PPP3R1: variants seen among roughly 807,000 people sequenced by gnomAD.
PPP3R1 encodes protein phosphatase 3 regulatory subunit B, alpha.
PPP3R1 carries 5 observed loss-of-function variants against 22.6 expected under a neutral mutation model. The ratio of observed to expected loss-of-function variants is 0.22; its 90% CI spans 0.12 to 0.46. PPP3R1 has a LOEUF of 0.46. PPP3R1 is among the 20% of genes least tolerant of loss of function. PPP3R1 has a pLI of 0.99. For missense variants in PPP3R1, 61 were observed against 203.2 expected (o/e 0.30, Z 4.25); for synonymous variants, 56 against 65.2 (o/e 0.86, Z 0.68).
At chr2:68,246,525 A>G (rs553067573) in intron 1 of PPP3R1, among the ~76,000 whole-genome samples, 1 of 152,268 alleles carries the variant, frequency 6.6e-6, no homozygotes, top group Admixed American at 6.5e-5. Context: ...ACAAACTACT[A>G]TTGACCAAGT....
intron 2 of PPP3R1, among the ~76,000 whole-genome samples, chr2:68,191,902 A>C (rs924511539): frequency 6.6e-5 from 10 of 152,198 alleles, no homozygotes; most frequent in African/African-American, 2.4e-4. Context: ...CTTGAAAGAG[A>C]AAAAATATAA....
At chr2:68,247,322 C>T (rs1247433478) in intron 1 of PPP3R1, among the ~76,000 whole-genome samples, 1 of 149,856 alleles carries the variant, frequency 6.7e-6, no homozygotes, top group Non-Finnish European at 1.5e-5. Flanking sequence ...AAACCTTCTT[C>T]TCCTACATCT....
chr2:68,234,474 C>T (rs372852454), intron 1 of PPP3R1, among the ~76,000 whole-genome samples: 2 of 152,322 alleles, frequency 1.3e-5, no homozygotes, highest in African/African-American at 4.8e-5. Flanking sequence ...CGCAGCCATT[C>T]TGTATTATGC....
intron 2 of PPP3R1, among the ~76,000 whole-genome samples, chr2:68,200,705 A>G (rs1038231345): frequency 1.3e-5 from 2 of 152,216 alleles, no homozygotes; most frequent in African/African-American, 4.8e-5. Flanking sequence ...AAGGAGCCTT[A>G]GGCATCATTT....
Position 68,223,784 on chromosome 2 carries a change from T to A in PPP3R1, c.4-6653A>T, listed in dbSNP as rs537199892. On this transcript the variant is annotated intron_variant, in intron 1 of 5. Transcript: ENST00000234310. ...AAGATTAGAACAAGATAAAGACATC[T>A]GCACAAATACAAAAGGGAAGACAAA... Among the ~76,000 whole-genome samples, 268 of 145,180 alleles carry A rather than the reference T, an allele frequency of 1.8e-3. 1 individual carries two copies. The highest frequency in any genetic ancestry group is 6.4e-3 in the African/African-American group (249 of 39,200).
intron 1 of PPP3R1, among the ~76,000 whole-genome samples, chr2:68,239,583 A>G (rs1670080084): frequency 6.6e-6 from 1 of 152,204 alleles, no homozygotes. Flanking sequence ...GTATCCAGTA[A>G]GCAGAACTAT....
intron 2 of PPP3R1, among the ~76,000 whole-genome samples, chr2:68,196,478 G>A (rs553873364): frequency 3.3e-5 from 5 of 152,246 alleles, no homozygotes; most frequent in South Asian, 2.1e-4. Context: ...TATTATGACA[G>A]ACTTGAAATA....
chr2:68,185,217 CAAA>C (rs1305057114), intron 5 of PPP3R1, among the ~76,000 whole-genome samples: 4 of 70,424 alleles, frequency 5.7e-5, no homozygotes, highest in South Asian at 4.1e-4. Flanking sequence ...GACTCCGTTT[CAAA>C]AAAAAAAAAA....
At chr2:68,214,705 T>C (rs930098875) in intron 2 of PPP3R1, among the ~76,000 whole-genome samples, 1 of 152,242 alleles carries the variant, frequency 6.6e-6, no homozygotes, top group African/African-American at 2.4e-5. Context: ...GTTCAGCCGT[T>C]GTGGGAAGCA....
chr2:68,251,134 A>G (rs1409546262), intron 1 of PPP3R1: 3 of 152,222 alleles, frequency 2.0e-5, no homozygotes, highest in African/African-American at 7.2e-5. Context: ...GATTACAAAG[A>G]GGAAACTAAC....
intron 4 of PPP3R1, 45 bp from the exon 5 acceptor site, chr2:68,186,697 C>A (rs893955569): frequency 2.7e-6 from 4 of 1,465,250 alleles, no homozygotes; most frequent in African/African-American, 2.8e-5. Flanking sequence ...AAAGCAATCA[C>A]AAGTAAATGC....
chr2:68,222,598 A>T (rs1669704112), intron 1 of PPP3R1, among the ~76,000 whole-genome samples: 1 of 152,208 alleles, frequency 6.6e-6, no homozygotes, highest in Non-Finnish European at 1.5e-5. Context: ...CCTGGTTCTC[A>T]GGCCTTCAGA....
At chr2:68,247,633 C>T (rs189350459) in intron 1 of PPP3R1, among the ~76,000 whole-genome samples, 79 of 152,314 alleles carry the variant, frequency 5.2e-4, no homozygotes, top group Non-Finnish European at 8.8e-4. Context: ...TTCTCGAGGA[C>T]AGGAACAGTA....
chr2:68,212,691 A>G (rs140892641), intron 2 of PPP3R1, among the ~76,000 whole-genome samples: 18 of 152,366 alleles, frequency 1.2e-4, no homozygotes, highest in African/African-American at 4.1e-4. Flanking sequence ...ACCATGCTGT[A>G]AACAGCTGTG....
intron 2 of PPP3R1, among the ~76,000 whole-genome samples, chr2:68,201,790 T>C (rs563321101): frequency 1.3e-5 from 2 of 152,226 alleles, no homozygotes; most frequent in Non-Finnish European, 2.9e-5. Flanking sequence ...ACTCCGAACT[T>C]TGAATGTATT....
intron 2 of PPP3R1, among the ~76,000 whole-genome samples, chr2:68,208,421 T>G (rs1669381529): frequency 6.6e-6 from 1 of 152,216 alleles, no homozygotes; most frequent in East Asian, 1.9e-4. Flanking sequence ...ACTCTGCCAC[T>G]GCAGCACAGA....
chr2:68,250,130 T>C (rs1670315769), intron 1 of PPP3R1, among the ~76,000 whole-genome samples: 1 of 150,918 alleles, frequency 6.6e-6, no homozygotes, highest in African/African-American at 2.4e-5. Flanking sequence ...GGTCCTGAAA[T>C]GGTATTGGGA....
Position 68,211,045 on chromosome 2 carries a change from T to C in PPP3R1, c.43+6047A>G, listed in dbSNP as rs375202175. Reference sequence around the variant, plus strand: ...TGCATATAAAAGTTATATTTACGTATTACTGTTGTCTACAAAGTGTGCAAT... The same window carrying C: ...TGCATATAAAAGTTATATTTACGTACTACTGTTGTCTACAAAGTGTGCAAT... On this transcript the variant is annotated intron_variant, in intron 2 of 5. Transcript: ENST00000234310. 7.6e-4 allele frequency among the ~76,000 whole-genome samples: 116 copies of C among 152,300 alleles called. 1 individual carries two copies. The highest frequency in any genetic ancestry group is 1.4e-3 in the Non-Finnish European group (92 of 68,010).
intron 1 of PPP3R1, among the ~76,000 whole-genome samples, chr2:68,223,280 C>T (rs1203136916): frequency 6.6e-6 from 1 of 152,134 alleles, no homozygotes; most frequent in Admixed American, 6.5e-5. Flanking sequence ...TGTACAATCC[C>T]AGCTACTTGG....
Sources: gnomAD v4.1 joint callset for allele counts (sites outside exome capture counted in the v4.1 genomes callset) on GRCh38, gnomAD v4.1.1 for gene constraint, MANE v1.5 for transcripts, NCBI Gene and HGNC (gene_info 2026-07-23, HGNC 2026-07-21) for gene names.